MPC2: variants seen among roughly 807,000 people sequenced by gnomAD.
The protein encoded by MPC2 is brain protein 44.
In MPC2, 19 loss-of-function variants were observed where a neutral mutation model predicts 19.2. The observed-to-expected ratio is 0.99, with a 90% CI of 0.69 to 1.45. MPC2 has a LOEUF of 1.45. MPC2 is among the 40% of genes most tolerant of loss of function. MPC2 has a pLI of 0.00. For synonymous variants in MPC2, 61 were observed against 54.3 expected, an observed-to-expected ratio of 1.12 and a Z score of -0.54; for missense variants, 122 against 153.0, an observed-to-expected ratio of 0.80 and a Z score of 1.07.
intron 3 of MPC2, among the ~76,000 whole-genome samples, chr1:167,923,133 G>A (rs1670644158): frequency 6.6e-6 from 1 of 152,128 alleles, no homozygotes; most frequent in Non-Finnish European, 1.5e-5. Flanking sequence ...TAATGTAGTT[G>A]CTGAGGAAAA....
chr1:167,921,762 A>T (rs149765604), intron 3 of MPC2, among the ~76,000 whole-genome samples: 16 of 152,306 alleles, frequency 1.1e-4, no homozygotes, highest in Middle Eastern at 3.4e-3. Context: ...TATAGGATGC[A>T]CTGTAGTGTA....
At position 167,917,738 on chromosome 1, in the gene MPC2, C is replaced by T. The variant is rs1029328812; in HGVS notation, c.*585G>A. 6.6e-6 allele frequency: 1 copy of T among 151,964 alleles called. No individual in the cohort carries two copies. Among genetic ancestry groups the T allele is most frequent in the Admixed American group, 6.6e-5 (1 of 15,244 alleles). 9.4% of individuals were successfully genotyped at this position (151,964 alleles called of 1,614,324 possible). ...GAAAAATTTAACACTTATCATGGAC[C>T]AGGCACTATGTTAAAACATTATCTC... On this transcript the variant is annotated 3_prime_UTR_variant, in exon 6 of 6. Coordinates refer to ENST00000271373, the MANE Select transcript of MPC2 (RefSeq NM_001143674.4).
At chr1:167,933,402 G>A (rs749510906) in intron 2 of MPC2, among the ~76,000 whole-genome samples, 1 of 152,030 alleles carries the variant, frequency 6.6e-6, no homozygotes, top group Non-Finnish European at 1.5e-5. Flanking sequence ...CCTGACCTCA[G>A]GTGATCCACC....
rs555329837 is a variant in MPC2, at chr1:167,916,906, G to A, written c.*1417C>T. On this transcript the variant is annotated 3_prime_UTR_variant, in exon 6 of 6. Coordinates refer to ENST00000271373, the MANE Select transcript of MPC2 (RefSeq NM_001143674.4). ...TTTGACTCTTCAGAACCTCTTCATT[G>A]TGGCCTATGTCAAGCTCTCTAATCT... 1 of 152,320 alleles carries A rather than the reference G, an allele frequency of 6.6e-6. No homozygotes were observed. Among genetic ancestry groups the A allele is most frequent in the South Asian group, 2.1e-4 (1 of 4,832 alleles). The allele number at this position is 152,320 out of a possible 1,614,324, so 9.4% of individuals were successfully genotyped here. A position where few individuals can be genotyped will look rare whatever the true frequency, so the allele number is the denominator to read the frequency against.
chr1:167,926,353 C>G (rs754198219), intron 2 of MPC2, among the ~76,000 whole-genome samples: 31 of 152,166 alleles, frequency 2.0e-4, no homozygotes, highest in South Asian at 1.0e-3. Flanking sequence ...GTTCTGGGCA[C>G]AGCCACCACA....
intron 2 of MPC2, among the ~76,000 whole-genome samples, chr1:167,927,580 C>T (rs371926850): frequency 3.1e-4 from 47 of 152,312 alleles, no homozygotes; most frequent in African/African-American, 1.1e-3. Flanking sequence ...TATTTGAAAG[C>T]TGAAGTTTCT....
intron 1 of MPC2, 33 bp downstream of exon 1, chr1:167,936,906 A>G (rs778967217): frequency 2.4e-5 from 38 of 1,559,386 alleles, no homozygotes; most frequent in South Asian, 1.6e-4. Context: ...CGGCTCAGGC[A>G]GAGCCATGTC....
intron 2 of MPC2, among the ~76,000 whole-genome samples, chr1:167,924,855 C>T (rs561543499): frequency 5.9e-5 from 9 of 152,266 alleles, no homozygotes; most frequent in Non-Finnish European, 1.3e-4. Context: ...TAGTTTTACA[C>T]TCAAGTAACA....
At chr1:167,936,866 C>A in intron 1 of MPC2, 73 bp downstream of exon 1, 1 of 1,486,352 alleles carries the variant, frequency 6.7e-7, no homozygotes, top group African/African-American at 1.4e-5. Context: ...CCCTCCTCCC[C>A]TCCCCCACGC....
At chr1:167,932,534 T>C (rs897301475) in intron 2 of MPC2, among the ~76,000 whole-genome samples, 1 of 151,326 alleles carries the variant, frequency 6.6e-6, no homozygotes, top group African/African-American at 2.4e-5. Flanking sequence ...TTGGGCCGGG[T>C]GTGGTTGCTC....
chr1:167,921,014 C>G (rs1670586681), intron 3 of MPC2, among the ~76,000 whole-genome samples: 1 of 151,888 alleles, frequency 6.6e-6, no homozygotes, highest in South Asian at 2.1e-4. Flanking sequence ...ATGGAAGATA[C>G]CTAAAAGCTG....
intron 2 of MPC2, among the ~76,000 whole-genome samples, chr1:167,932,372 G>A (rs568979833): frequency 6.6e-6 from 1 of 152,118 alleles, no homozygotes; most frequent in South Asian, 2.1e-4. Flanking sequence ...AACGTTACTG[G>A]AAGTTCTATA....
chr1:167,936,111 A>G (rs1671176285), intron 1 of MPC2: 3 of 525,654 alleles, frequency 5.7e-6, no homozygotes, highest in South Asian at 2.1e-5. Flanking sequence ...CCATGGCAAC[A>G]GGTGCCAAAA....
chr1:167,935,682 A>T, intron 2 of MPC2, 51 bp downstream of exon 2: 1 of 1,479,154 alleles, frequency 6.8e-7, no homozygotes, highest in Non-Finnish European at 9.3e-7. Context: ...GGTCCATTTT[A>T]GAGGAAGCGA....
intron 2 of MPC2, among the ~76,000 whole-genome samples, chr1:167,933,964 C>T (rs991678556): frequency 1.3e-5 from 2 of 152,264 alleles, no homozygotes; most frequent in African/African-American, 4.8e-5. Context: ...TACAATTACT[C>T]CCATTTTATA....
chr1:167,924,237 T>C lies in MPC2; in HGVS notation c.150+260A>G, dbSNP rs568743510. On this transcript the variant is annotated intron_variant, in intron 3 of 5. Coordinates refer to ENST00000271373, the MANE Select transcript of MPC2 (RefSeq NM_001143674.4). ...AATAACATTTTAGAATGAAATTTCA[T>C]GTCCATGTGGTGCACAATTGTAAGT... Among the ~76,000 whole-genome samples the C allele has an allele frequency of 5.3e-5, 8 of 152,282 alleles. No individual in the cohort carries two copies. In the South Asian group the frequency reaches 1.4e-3, roughly 28 times the overall value.
In MPC2 at chr1:167,934,904, A is replaced by C. The variant is rs543696301; in HGVS notation, c.109+829T>G. ...GTAACAGAATTCTAGATCTTTAATA[A>C]AGGGATTGGAATCTTTCAGTTTCTT... On this transcript the variant is annotated intron_variant, in intron 2 of 5. Transcript: ENST00000271373. 1.6e-4 allele frequency among the ~76,000 whole-genome samples: 24 copies of C among 152,310 alleles called. 1 individual carries two copies. The South Asian group carries it at 5.0e-3, about 32-fold the overall frequency.
chr1:167,923,763 G>A (rs1466542039), intron 3 of MPC2, among the ~76,000 whole-genome samples: 2 of 151,592 alleles, frequency 1.3e-5, no homozygotes, highest in African/African-American at 2.4e-5. Context: ...AGAATCATCC[G>A]AAGAGGTTAT....
chr1:167,929,321 T>C (rs1670841354), intron 2 of MPC2, among the ~76,000 whole-genome samples: 1 of 151,846 alleles, frequency 6.6e-6, no homozygotes, highest in African/African-American at 2.4e-5. Flanking sequence ...ATTGCACCAT[T>C]GCACTCCAGC....
Sources: allele counts gnomAD v4.1 joint callset (sites outside exome capture counted in the v4.1 genomes callset), GRCh38; gene constraint gnomAD v4.1.1; transcripts MANE v1.5; gene names NCBI Gene and HGNC (gene_info 2026-07-23, HGNC 2026-07-21).